The following SMG7 variants were observed in gnomAD, a reference collection of about 807,000 sequenced individuals.
SMG7 encodes the protein SMG7 nonsense mediated mRNA decay factor.
In SMG7, 34 loss-of-function variants were observed where a neutral mutation model predicts 148.2. That is an observed-to-expected ratio of 0.23 (90% CI 0.17 to 0.31). The LOEUF is 0.31. Ranked by LOEUF, SMG7 falls within the 10% of genes least tolerant of loss-of-function variation. The pLI, the probability that SMG7 is intolerant of heterozygous loss-of-function variation, is 1.00. For missense variants in SMG7, 1,114 were observed against 1,408.4 expected, an observed-to-expected ratio of 0.79 and a Z score of 3.35; for synonymous variants, 492 against 515.1, an observed-to-expected ratio of 0.96 and a Z score of 0.61.
At chr1:183,490,640 G>A (rs552629781) in intron 1 of SMG7, among the ~76,000 whole-genome samples, 3 of 152,160 alleles carry the variant, frequency 2.0e-5, no homozygotes, top group African/African-American at 7.2e-5. Flanking sequence ...TACAGATAAT[G>A]CATTTTAAAC....
At chr1:183,547,334 T>G in intron 18 of SMG7, 82 bp downstream of exon 18, 1 of 1,270,746 alleles carries the variant, frequency 7.9e-7, no homozygotes, top group South Asian at 1.6e-5. Flanking sequence ...ATTAGGTGAT[T>G]TCTTCTCTTC....
chr1:183,504,331 T>TTATG (rs920420068), intron 1 of SMG7, among the ~76,000 whole-genome samples: 1 of 151,074 alleles, frequency 6.6e-6, no homozygotes, highest in Non-Finnish European at 1.5e-5. Context: ...CTTGATTTAT[T>TTATG]TATTTATTTA....
At chr1:183,544,621 A>C (rs1330855234) in intron 15 of SMG7, 124 bp downstream of exon 15, 1 of 1,005,086 alleles carries the variant, frequency 9.9e-7, no homozygotes, top group Non-Finnish European at 1.5e-6. Context: ...TATTTTCCCT[A>C]ATACTTATAA....
At chr1:183,549,673 A>T in intron 19 of SMG7, 91 bp from the exon 20 acceptor site, 1 of 974,894 alleles carries the variant, frequency 1.0e-6, no homozygotes, top group Non-Finnish European at 1.6e-6. Context: ...GAAAAGCTTA[A>T]GGTGTACCAA....
rs976336144 is a variant in SMG7 at position 183,546,125 on chromosome 1, C to T, written c.2530C>T (p.Pro844Ser). 5.0e-6 allele frequency: 8 copies of T among 1,613,780 alleles called. No homozygotes were observed. The highest frequency in any genetic ancestry group is 6.8e-6 in the Non-Finnish European group (8 of 1,179,946). ...GCAACCTCCTGTAATGCAGCAGCAG[C>T]CTCTAGAAAAAAAAATGAAGCCTTT... Reference protein sequence around the residue: ...SLQPPVMQQQPLEKKMKPFPM... With the variant: ...SLQPPVMQQQSLEKKMKPFPM... The change falls in exon 17 of 23, where the codon CCT (proline) becomes TCT (serine). Residue 844 changes from proline to serine, a missense_variant. This residue lies in a region of SMG7 where 788 missense variants were observed against 894.5 expected (regional missense o/e 0.88). Coordinates refer to ENST00000688051, the MANE Select transcript of SMG7 (RefSeq NM_001375584.1).
intron 1 of SMG7, 179 bp downstream of exon 1, chr1:183,472,828 T>G: frequency 2.1e-6 from 1 of 467,788 alleles, no homozygotes; most frequent in Non-Finnish European, 3.5e-6. Context: ...TATGGGTGCC[T>G]AGCCCCTACC....
At position 183,553,608 on chromosome 1, in the gene SMG7, G is replaced by GGGGGGGCCC; in HGVS notation, c.*1677_*1678insGGGGGGCCC. 1 of 128,374 alleles carries GGGGGGGCCC rather than the reference G, an allele frequency of 7.8e-6. No homozygotes were observed. Among genetic ancestry groups the GGGGGGGCCC allele is most frequent in the South Asian group, 2.3e-4 (1 of 4,440 alleles). The allele number at this position is 128,374 out of a possible 1,614,324, so 8.0% of individuals were successfully genotyped here. On this transcript the variant is annotated 3_prime_UTR_variant, in exon 23 of 23. Coordinates refer to ENST00000688051, the MANE Select transcript of SMG7 (RefSeq NM_001375584.1). ...TTGCTCTTCAGAGAGAGTGGTTGGA[G>GGGGGGGCCC]CCCCCCCCGCCCCGTATGCTTACAT...
At chr1:183,504,506 A>G (rs528680763) in intron 1 of SMG7, among the ~76,000 whole-genome samples, 9 of 151,888 alleles carry the variant, frequency 5.9e-5, no homozygotes, top group African/African-American at 2.2e-4. Context: ...ATGCCCGGCT[A>G]ATTTTTATAT....
intron 15 of SMG7, 133 bp downstream of exon 15, chr1:183,544,630 A>C (rs1669566378): frequency 7.2e-6 from 7 of 968,848 alleles, no homozygotes. Flanking sequence ...TAATACTTAT[A>C]AAATTATTTT....
At chr1:183,475,652 G>A (rs1651976270) in intron 1 of SMG7, among the ~76,000 whole-genome samples, 1 of 152,178 alleles carries the variant, frequency 6.6e-6, no homozygotes, top group South Asian at 2.1e-4. Flanking sequence ...CCTTACAAAA[G>A]ATTCCCTTTG....
intron 9 of SMG7, 28 bp from the exon 10 acceptor site, chr1:183,533,648 T>C (rs368214328): frequency 3.8e-6 from 6 of 1,589,852 alleles, no homozygotes; most frequent in South Asian, 2.3e-5. Context: ...ATATTTCTTA[T>C]GCTTTTTGAA....
intron 4 of SMG7, among the ~76,000 whole-genome samples, chr1:183,524,981 T>C (rs185453813): frequency 3.9e-5 from 6 of 152,332 alleles, no homozygotes; most frequent in Non-Finnish European, 8.8e-5. Context: ...AGGAAACATA[T>C]TTTCTTACTT....
In SMG7 at chr1:183,512,828, TCTATC is replaced by T; in HGVS notation, c.30-8_30-4del. On this transcript the variant is annotated splice_region_variant and splice_polypyrimidine_tract_variant and intron_variant, in intron 1 of 22. Coordinates refer to ENST00000688051, the MANE Select transcript of SMG7 (RefSeq NM_001375584.1). ...ATACTCTTTTTTTTTTTTTTTTTTT[TCTATC>T]TAGGCAGGCAGAAGTCCTGAAGGCT... 6.4e-7 allele frequency: 1 copy of T among 1,571,388 alleles called. No homozygotes were observed.
At chr1:183,493,281 G>T (rs1657530083) in intron 1 of SMG7, among the ~76,000 whole-genome samples, 1 of 152,164 alleles carries the variant, frequency 6.6e-6, no homozygotes, top group Non-Finnish European at 1.5e-5. Context: ...GGCAACCTAT[G>T]ATTATTTAGA....
At chr1:183,490,676 ATG>A (rs1362952640) in intron 1 of SMG7, among the ~76,000 whole-genome samples, 2 of 152,216 alleles carry the variant, frequency 1.3e-5, no homozygotes, top group Non-Finnish European at 2.9e-5. Flanking sequence ...CAAATTCTCT[ATG>A]TAATAAAATA....
chr1:183,513,655 C>A (rs1465391545), intron 2 of SMG7, among the ~76,000 whole-genome samples: 1 of 152,106 alleles, frequency 6.6e-6, no homozygotes, highest in Non-Finnish European at 1.5e-5. Flanking sequence ...TAGGCGTGAG[C>A]CACTGCGCCT....
At chr1:183,548,309 G>A (rs563107000) in intron 18 of SMG7, among the ~76,000 whole-genome samples, 2 of 152,300 alleles carry the variant, frequency 1.3e-5, no homozygotes, top group East Asian at 3.9e-4. Flanking sequence ...TGGAAGCTCA[G>A]CTGCTATACT....
chr1:183,501,968 C>T (rs1396734708), intron 1 of SMG7, among the ~76,000 whole-genome samples: 1 of 152,120 alleles, frequency 6.6e-6, no homozygotes, highest in East Asian at 1.9e-4. Context: ...AAGAGCCCTG[C>T]TTGGTAACCG....
At chr1:183,494,844 A>G (rs1458503331) in intron 1 of SMG7, among the ~76,000 whole-genome samples, 1 of 116,512 alleles carries the variant, frequency 8.6e-6, no homozygotes, top group African/African-American at 3.5e-5. Flanking sequence ...TCGGCTCACC[A>G]CAACCTTGGG....
Sources: gnomAD v4.1 joint callset for allele counts (sites outside exome capture counted in the v4.1 genomes callset) on GRCh38, gnomAD v4.1.1 for gene constraint, gnomAD v4.1.1 regional missense constraint, MANE v1.5 for transcripts, NCBI Gene and HGNC (gene_info 2026-07-23, HGNC 2026-07-21) for gene names.